The following ANKRD31 variants were observed in gnomAD, a reference collection of about 807,000 sequenced individuals.
The protein encoded by ANKRD31 is ankyrin repeat domain-containing protein 31.
In ANKRD31, 147 loss-of-function variants were observed where a neutral mutation model predicts 186.0. The observed-to-expected ratio is 0.79, with a 90% CI of 0.69 to 0.91. The LOEUF is 0.91. ANKRD31 is among the 40% of genes least tolerant of loss of function. The probability of loss-of-function intolerance (pLI) is 0.00; values close to 1 mark genes in which losing one functional copy is unlikely to be tolerated. For synonymous variants in ANKRD31, 673 were observed against 736.4 expected, an observed-to-expected ratio of 0.91 and a Z score of 1.39; for missense variants, 1,986 against 2,148.8, an observed-to-expected ratio of 0.92 and a Z score of 1.50.
At chr5:75,101,000 T>C (rs965176234) in intron 22 of ANKRD31, among the ~76,000 whole-genome samples, 1 of 152,238 alleles carries the variant, frequency 6.6e-6, no homozygotes, top group East Asian at 1.9e-4. Flanking sequence ...CGTTAGTTGA[T>C]GCAGTTTTTT....
chr5:75,150,336 A>G (rs1375085754), intron 12 of ANKRD31, among the ~76,000 whole-genome samples: 4 of 151,964 alleles, frequency 2.6e-5, no homozygotes, highest in Non-Finnish European at 4.4e-5. Context: ...TTTATTCATC[A>G]TTCCCATACT....
intron 19 of ANKRD31, 31 bp from the exon 20 acceptor site, chr5:75,112,631 A>T: frequency 7.4e-7 from 1 of 1,358,676 alleles, no homozygotes; most frequent in Non-Finnish European, 1.0e-6. Flanking sequence ...AAACTTCATT[A>T]TAAAGGGGTA....
intron 2 of ANKRD31, among the ~76,000 whole-genome samples, chr5:75,224,000 C>G (rs1757458141): frequency 1.3e-5 from 2 of 151,666 alleles, no homozygotes; most frequent in Admixed American, 6.6e-5. Flanking sequence ...TTCTCATCCT[C>G]CAGAACTGTG....
In ANKRD31 at chr5:75,195,846, A is replaced by G; in HGVS notation, c.802T>C (p.Ser268Pro). ...AAATCTCTATGACATGCCGACCAGG[A>G]ATTCAAAGGTATTGATATGGAACTA... Reference protein sequence around the residue: ...SLSSISIPLNSWSACHRDLLE... With the variant: ...SLSSISIPLNPWSACHRDLLE... The change falls in exon 7 of 26, where the codon TCC becomes CCC. Residue 268 changes from serine to proline, a missense_variant. Physicochemically the swap from Ser to Pro is moderately conservative, Grantham distance 74. Coordinates refer to ENST00000506364, the MANE Select transcript of ANKRD31 (RefSeq NM_001372053.1). 6.5e-7 allele frequency: 1 copy of G among 1,537,244 alleles called. No homozygotes were observed. Among genetic ancestry groups the G allele is most frequent in the Admixed American group, 2.0e-5 (1 of 50,984 alleles).
rs968843659 is a variant in ANKRD31, at chr5:75,148,641, A to G, written c.1853-13T>C. On this transcript the variant is annotated splice_polypyrimidine_tract_variant and intron_variant, in intron 12 of 25. Coordinates refer to ENST00000506364, the MANE Select transcript of ANKRD31 (RefSeq NM_001372053.1). ...CTACTCCTTTGAGCTGTAAACAAAA[A>G]GAGAAAATCAATGAAAACAGCTTCT... 7.9e-6 allele frequency: 12 copies of G among 1,515,924 alleles called. No homozygotes were observed. In the African/African-American group the frequency reaches 1.7e-4, roughly 21 times the overall value. The allele number at this position is 1,515,924 out of a possible 1,614,324, so 93.9% of individuals were successfully genotyped here. A position where few individuals can be genotyped will look rare whatever the true frequency, so the allele number is the denominator to read the frequency against.
intron 10 of ANKRD31, among the ~76,000 whole-genome samples, chr5:75,177,295 T>C (rs568456390): frequency 6.6e-6 from 1 of 152,264 alleles, no homozygotes; most frequent in African/African-American, 2.4e-5. Flanking sequence ...TGGAACCAAG[T>C]TGGAAAACAC....
Position 75,210,881 on chromosome 5 carries a change from A to T in ANKRD31, c.289-16T>A. On this transcript the variant is annotated splice_polypyrimidine_tract_variant and intron_variant, in intron 3 of 25. Coordinates refer to ENST00000506364, the MANE Select transcript of ANKRD31 (RefSeq NM_001372053.1). ...CATCTTGAGACTGCTAGGAAAAAAA[A>T]AAGTTTTTTCCAACTGATAAGTGTT... The T allele has an allele frequency of 6.6e-7, 1 of 1,505,302 alleles. No individual in the cohort carries two copies. Among genetic ancestry groups the T allele is most frequent in the Non-Finnish European group, 8.8e-7 (1 of 1,135,954 alleles). 93.2% of individuals were successfully genotyped at this position (1,505,302 alleles called of 1,614,324 possible). A position where few individuals can be genotyped will look rare whatever the true frequency, so the allele number is the denominator to read the frequency against.
intron 10 of ANKRD31, among the ~76,000 whole-genome samples, chr5:75,170,698 T>C (rs1363843827): frequency 1.3e-5 from 2 of 152,102 alleles, no homozygotes; most frequent in Admixed American, 6.6e-5. Context: ...TGTCTACTGT[T>C]CCCTTCTTAA....
chr5:75,234,371 AACCAGTATAG>A (rs1438513447), intron 1 of ANKRD31, among the ~76,000 whole-genome samples: 1 of 152,226 alleles, frequency 6.6e-6, no homozygotes. Flanking sequence ...AAAATTCAAA[AACCAGTATAG>A]ACTAGCCCTG....
At position 75,116,759 on chromosome 5, in the gene ANKRD31, G is replaced by A. The variant is rs547296601; in HGVS notation, c.4040-78C>T. 1.5e-5 allele frequency: 11 copies of A among 711,422 alleles called. No individual in the cohort carries two copies. In the African/African-American group the frequency reaches 1.8e-4, roughly 12 times the overall value. The allele number at this position is 711,422 out of a possible 1,614,324, so 44.1% of individuals were successfully genotyped here. ...CATTTTTCAGTTTTAATGTGATGGGGATGAGAAGGATAAGTCAAGTCTGCA... is the reference window on the plus strand; with the variant it reads ...CATTTTTCAGTTTTAATGTGATGGGAATGAGAAGGATAAGTCAAGTCTGCA... On this transcript the variant is annotated intron_variant, in intron 18 of 25. Transcript: ENST00000506364.
At chr5:75,086,162 T>C (rs1745465665) in intron 23 of ANKRD31, among the ~76,000 whole-genome samples, 2 of 152,248 alleles carry the variant, frequency 1.3e-5, no homozygotes, top group Admixed American at 6.5e-5. Context: ...TTCTCACCTA[T>C]ATCTCAGACT....
Position 75,068,600 on chromosome 5 carries a change from G to A in ANKRD31, c.5712C>T (p.Ile1904=), listed in dbSNP as rs1462096768. 2 of 1,523,904 alleles carry A rather than the reference G, an allele frequency of 1.3e-6. No individual in the cohort carries two copies. The highest frequency in any genetic ancestry group is 5.0e-5 in the East Asian group (2 of 40,246). 94.4% of individuals were successfully genotyped at this position (1,523,904 alleles called of 1,614,324 possible). ...RYLQINEILL[I]SDQEFLPCHI... Reference sequence around the variant, plus strand: ...GGCATGGGAGAAATTCTTGATCACTGATTAATAGTATTTCATTTATTTGTA... The same window carrying A: ...GGCATGGGAGAAATTCTTGATCACTAATTAATAGTATTTCATTTATTTGTA... Residue 1904 remains isoleucine (I), a synonymous_variant, in exon 26 of 26, where the codon ATC becomes ATT. Coordinates refer to ENST00000506364, the MANE Select transcript of ANKRD31 (RefSeq NM_001372053.1).
At chr5:75,173,369 G>A (rs1421607295) in intron 10 of ANKRD31, among the ~76,000 whole-genome samples, 1 of 152,154 alleles carries the variant, frequency 6.6e-6, no homozygotes, top group Non-Finnish European at 1.5e-5. Flanking sequence ...CATAGTGTTG[G>A]AAATCCTGGC....
intron 6 of ANKRD31, among the ~76,000 whole-genome samples, chr5:75,197,824 T>C (rs762443049): frequency 4.6e-5 from 7 of 152,178 alleles, no homozygotes; most frequent in Non-Finnish European, 1.0e-4. Context: ...TGAAATCAAA[T>C]GAATGGCATA....
rs1330487348 is a variant in ANKRD31, at chr5:75,169,195, C to CA, written c.1565-75dup. 4.1e-6 allele frequency: 6 copies of CA among 1,462,066 alleles called. No individual in the cohort carries two copies. The African/African-American group carries it at 8.5e-5, about 21-fold the overall frequency. 90.6% of individuals were successfully genotyped at this position (1,462,066 alleles called of 1,614,324 possible). On this transcript the variant is annotated intron_variant, in intron 10 of 25. Transcript: ENST00000506364. ...ATGTTTTGTGCTTGCCCTTAAAAAA[C>CA]AACTTTGATTCTAAGTTCTTTCTTC... is the stretch of plus-strand genomic sequence containing the variant.
chr5:75,106,063 A>G (rs1747309295), intron 21 of ANKRD31, among the ~76,000 whole-genome samples: 1 of 152,144 alleles, frequency 6.6e-6, no homozygotes, highest in Non-Finnish European at 1.5e-5. Flanking sequence ...GTGTATATGA[A>G]TATCTATCAG....
chr5:75,113,559 T>C (rs934757824), intron 19 of ANKRD31, among the ~76,000 whole-genome samples: 1 of 152,216 alleles, frequency 6.6e-6, no homozygotes, highest in African/African-American at 2.4e-5. Context: ...CCATTAATGA[T>C]GACGGATGGT....
At chr5:75,104,170 A>C in intron 22 of ANKRD31, 58 bp downstream of exon 22, 1 of 1,346,942 alleles carries the variant, frequency 7.4e-7, no homozygotes, top group Non-Finnish European at 9.8e-7. Context: ...TGTGACAGCA[A>C]CATTTACTCA....
chr5:75,195,259 A>G (rs1482118347), intron 7 of ANKRD31, among the ~76,000 whole-genome samples: 2 of 152,064 alleles, frequency 1.3e-5, no homozygotes, highest in African/African-American at 4.8e-5. Flanking sequence ...AGACATAGTG[A>G]TTTTCTGAGC....
Sources: allele counts gnomAD v4.1 joint callset (sites outside exome capture counted in the v4.1 genomes callset), GRCh38; gene constraint gnomAD v4.1.1; transcripts MANE v1.5; gene names NCBI Gene and HGNC (gene_info 2026-07-23, HGNC 2026-07-21).